TMTC2: variants seen among roughly 807,000 people sequenced by gnomAD.
The protein encoded by TMTC2 is protein O-mannosyl-transferase TMTC2.
TMTC2 carries 43 observed loss-of-function variants against 82.4 expected under a neutral mutation model. The ratio of observed to expected loss-of-function variants is 0.52; its 90% CI spans 0.41 to 0.67. The LOEUF is 0.67. Ranked by LOEUF, TMTC2 falls within the 30% of genes least tolerant of loss-of-function variation. The pLI, the probability that TMTC2 is intolerant of heterozygous loss-of-function variation, is 0.00. For missense variants in TMTC2, 919 were observed against 1,012.4 expected (o/e 0.91, Z 1.25); for synonymous variants, 408 against 381.9 (o/e 1.07, Z -0.80).
At chr12:82,967,914 C>T (rs1386353730) in intron 7 of TMTC2, among the ~76,000 whole-genome samples, 2 of 152,046 alleles carry the variant, frequency 1.3e-5, no homozygotes, top group African/African-American at 4.8e-5. Context: ...TTATTGTACA[C>T]TTCTACATTC....
At chr12:82,916,744 A>AC (rs1875023236) in intron 3 of TMTC2, among the ~76,000 whole-genome samples, 1 of 15,150 alleles carries the variant, frequency 6.6e-5, no homozygotes, top group Admixed American at 7.5e-4. Flanking sequence ...TTGAAGTACT[A>AC]AATTTTATGT....
At chr12:82,946,745 CT>C (rs68095076) in intron 4 of TMTC2, among the ~76,000 whole-genome samples, 2,047 of 136,924 alleles carry the variant, frequency 0.015, 48 homozygotes, top group African/African-American at 0.052. Context: ...CTTTTCTTTT[CT>C]TTTTTTTTTT....
intron 4 of TMTC2, among the ~76,000 whole-genome samples, chr12:82,959,265 A>G (rs1436669881): frequency 2.0e-5 from 3 of 152,176 alleles, no homozygotes; most frequent in Non-Finnish European, 4.4e-5. Context: ...AGCAATTTAC[A>G]GATTCAGTGC....
chr12:82,947,872 C>A (rs1311234685), intron 4 of TMTC2, among the ~76,000 whole-genome samples: 1 of 152,094 alleles, frequency 6.6e-6, no homozygotes, highest in Non-Finnish European at 1.5e-5. Flanking sequence ...CCCCAGACCT[C>A]CATCATTCTG....
intron 1 of TMTC2, among the ~76,000 whole-genome samples, chr12:82,826,438 C>T (rs1869426358): frequency 6.6e-6 from 1 of 152,088 alleles, no homozygotes; most frequent in Non-Finnish European, 1.5e-5. Context: ...ATACTCCATG[C>T]CTCTGAAGAT....
chr12:82,963,014 T>A (rs1314332402), intron 4 of TMTC2, among the ~76,000 whole-genome samples: 4 of 151,850 alleles, frequency 2.6e-5, no homozygotes, highest in Admixed American at 6.6e-5. Flanking sequence ...TTGAGTGGAG[T>A]TTCACATAGG....
At chr12:82,889,920 G>A (rs886750138) in intron 2 of TMTC2, among the ~76,000 whole-genome samples, 1 of 151,926 alleles carries the variant, frequency 6.6e-6, no homozygotes, top group Non-Finnish European at 1.5e-5. Context: ...TATAAACAAT[G>A]CTAAGTATCC....
chr12:82,915,802 C>T (rs947792242), intron 3 of TMTC2, among the ~76,000 whole-genome samples: 1 of 152,200 alleles, frequency 6.6e-6, no homozygotes, highest in Admixed American at 6.5e-5. Flanking sequence ...GGAGACAATT[C>T]TATTCCTGAT....
intron 11 of TMTC2, among the ~76,000 whole-genome samples, chr12:83,107,179 T>G (rs1565890389): frequency 6.6e-6 from 1 of 152,238 alleles, no homozygotes; most frequent in African/African-American, 2.4e-5. Flanking sequence ...AGTGGAAGTA[T>G]GATCTTACAA....
At chr12:82,733,218 A>G (rs533834667) in intron 1 of TMTC2, among the ~76,000 whole-genome samples, 1 of 152,352 alleles carries the variant, frequency 6.6e-6, no homozygotes, top group South Asian at 2.1e-4. Context: ...CAGCTCAGTT[A>G]TAAGTAATTC....
chr12:82,874,535 T>G (rs2137142405), intron 2 of TMTC2, among the ~76,000 whole-genome samples: 1 of 152,218 alleles, frequency 6.6e-6, no homozygotes, highest in East Asian at 1.9e-4. Flanking sequence ...AAAGTGCTTA[T>G]GTTTTTTTGA....
chr12:82,724,370 T>A (rs1326302370), intron 1 of TMTC2, among the ~76,000 whole-genome samples: 2 of 152,170 alleles, frequency 1.3e-5, no homozygotes, highest in Non-Finnish European at 2.9e-5. Context: ...TGTATATGTA[T>A]AACCCCCCGT....
chr12:82,761,885 T>TCTTTCTCA (rs869036867), intron 1 of TMTC2, among the ~76,000 whole-genome samples: 3 of 1,436 alleles, frequency 2.1e-3, no homozygotes, highest in Admixed American at 0.026. Flanking sequence ...TTTCTTTCTT[T>TCTTTCTCA]CTCTCTCTTT....
chr12:82,933,183 C>T (rs1876136131), intron 4 of TMTC2, among the ~76,000 whole-genome samples: 1 of 152,080 alleles, frequency 6.6e-6, no homozygotes, highest in South Asian at 2.1e-4. Context: ...TTAAATTCCA[C>T]AAGAAATATT....
chr12:82,750,457 G>T (rs567754000), intron 1 of TMTC2, among the ~76,000 whole-genome samples: 4 of 151,990 alleles, frequency 2.6e-5, no homozygotes, highest in Non-Finnish European at 5.9e-5. Context: ...TCTGCACTCT[G>T]TTCTCCGCAC....
intron 3 of TMTC2, among the ~76,000 whole-genome samples, chr12:82,903,654 T>C (rs1222510709): frequency 2.6e-5 from 4 of 152,090 alleles, no homozygotes; most frequent in Non-Finnish European, 5.9e-5. Flanking sequence ...ACCTCGTGAT[T>C]CACCCTCCTC....
At chr12:82,741,003 G>C (rs1268262065) in intron 1 of TMTC2, among the ~76,000 whole-genome samples, 1 of 152,094 alleles carries the variant, frequency 6.6e-6, no homozygotes, top group Non-Finnish European at 1.5e-5. Context: ...TTACCCCAGC[G>C]CTCCTCAGCC....
chr12:83,025,693 T>A (rs913932212), intron 8 of TMTC2, among the ~76,000 whole-genome samples: 1 of 152,288 alleles, frequency 6.6e-6, no homozygotes, highest in South Asian at 2.1e-4. Flanking sequence ...GTTTCCAGGT[T>A]ACCCACAAAC....
At chr12:82,937,711 T>C (rs1298922936) in intron 4 of TMTC2, among the ~76,000 whole-genome samples, 1 of 43,130 alleles carries the variant, frequency 2.3e-5, no homozygotes, top group Non-Finnish European at 6.8e-5. Context: ...GGTGTGTGTG[T>C]GTGTGTGTGT....
Sources: allele counts gnomAD v4.1 joint callset (sites outside exome capture counted in the v4.1 genomes callset), GRCh38; gene constraint gnomAD v4.1.1; transcripts MANE v1.5; gene names NCBI Gene and HGNC (gene_info 2026-07-23, HGNC 2026-07-21).